DLG2: variants seen among roughly 807,000 people sequenced by gnomAD.
DLG2 encodes discs large MAGUK scaffold protein 2, also known as disks large homolog 2.
DLG2 carries 45 observed loss-of-function variants against 132.5 expected under a neutral mutation model. That is an observed-to-expected ratio of 0.34 (90% CI 0.27 to 0.44). DLG2 has a LOEUF of 0.44. DLG2 is among the 20% of genes least tolerant of loss of function. The pLI, the probability that DLG2 is intolerant of heterozygous loss-of-function variation, is 1.00. For synonymous variants in DLG2, 424 were observed against 419.6 expected (o/e 1.01, Z -0.13); for missense variants, 1,045 against 1,196.9 (o/e 0.87, Z 1.87).
chr11:84,362,283 G>A (rs911038421), intron 7 of DLG2, among the ~76,000 whole-genome samples: 1 of 151,904 alleles, frequency 6.6e-6, no homozygotes, highest in Non-Finnish European at 1.5e-5. Context: ...AAGAGTAAAT[G>A]CCTTCATAAA....
rs140165104 is a variant in DLG2 at position 83,611,785 on chromosome 11, C to T, written c.1940+21426G>A. On this transcript the variant is annotated intron_variant, in intron 19 of 27. Coordinates refer to ENST00000376104, the MANE Select transcript of DLG2 (RefSeq NM_001142699.3). ...AAGGGACTGATACTGAACTGAAGGA[C>T]GGGAACAGGGGACACTGAGGGCTTG... 1.2e-4 allele frequency among the ~76,000 whole-genome samples: 18 copies of T among 152,236 alleles called. No homozygotes were observed. The East Asian group carries it at 1.9e-3, about 16-fold the overall frequency.
intron 11 of DLG2, among the ~76,000 whole-genome samples, chr11:84,054,185 A>G (rs1274828455): frequency 2.0e-5 from 3 of 152,102 alleles, no homozygotes; most frequent in African/African-American, 7.2e-5. Context: ...GAAGTCATCT[A>G]ATTTCTCCTG....
intron 6 of DLG2, chr11:84,545,495 A>G: frequency 2.5e-6 from 1 of 404,210 alleles, no homozygotes; most frequent in Non-Finnish European, 4.8e-6. Context: ...ATCCAGAACT[A>G]CTTTGGCTTC....
chr11:83,899,465 C>T (rs2154097363), intron 15 of DLG2, among the ~76,000 whole-genome samples: 1 of 152,336 alleles, frequency 6.6e-6, no homozygotes, highest in South Asian at 2.1e-4. Context: ...CCAATTCTCA[C>T]CTTGTGGCTC....
At chr11:84,421,954 T>C (rs2098952369) in intron 7 of DLG2, among the ~76,000 whole-genome samples, 1 of 152,194 alleles carries the variant, frequency 6.6e-6, no homozygotes, top group Non-Finnish European at 1.5e-5. Context: ...CTCCTTTCTG[T>C]CTACTTCTCC....
intron 21 of DLG2, among the ~76,000 whole-genome samples, chr11:83,489,198 A>G (rs1447816875): frequency 6.6e-6 from 1 of 151,960 alleles, no homozygotes; most frequent in African/African-American, 2.4e-5. Context: ...AACTCCCTCA[A>G]ATGAATCAGA....
intron 18 of DLG2, among the ~76,000 whole-genome samples, chr11:83,773,586 A>T (rs772577427): frequency 6.6e-6 from 1 of 152,196 alleles, no homozygotes; most frequent in Admixed American, 6.5e-5. Flanking sequence ...AAGCAAAGAA[A>T]ATCTGCTCCC....
chr11:84,273,075 C>T, intron 7 of DLG2: 2 of 1,247,720 alleles, frequency 1.6e-6, no homozygotes, highest in African/African-American at 1.5e-5. Context: ...TTATACATTT[C>T]TCTATAGATA....
intron 3 of DLG2, among the ~76,000 whole-genome samples, chr11:85,323,975 G>T (rs1034415106): frequency 6.6e-6 from 1 of 152,206 alleles, no homozygotes; most frequent in African/African-American, 2.4e-5. Flanking sequence ...CATGTAAGTG[G>T]ATGGTAGTGG....
intron 6 of DLG2, among the ~76,000 whole-genome samples, chr11:84,732,454 C>A (rs2063273970): frequency 1.3e-5 from 2 of 151,948 alleles, no homozygotes; most frequent in Non-Finnish European, 2.9e-5. Context: ...TCACTGTAGC[C>A]ATTCTAATAG....
intron 3 of DLG2, among the ~76,000 whole-genome samples, chr11:85,507,439 G>T (rs1488799224): frequency 6.6e-6 from 1 of 152,152 alleles, no homozygotes; most frequent in Non-Finnish European, 1.5e-5. Flanking sequence ...TTGCTTGTCT[G>T]TAAAGGATTT....
intron 3 of DLG2, among the ~76,000 whole-genome samples, chr11:85,319,774 C>T (rs1039692137): frequency 6.6e-6 from 1 of 151,830 alleles, no homozygotes; most frequent in African/African-American, 2.4e-5. Flanking sequence ...TTTATGCTCT[C>T]TAATTCTTAA....
intron 6 of DLG2, among the ~76,000 whole-genome samples, chr11:84,896,402 C>T (rs1405358410): frequency 6.6e-6 from 1 of 152,006 alleles, no homozygotes; most frequent in African/African-American, 2.4e-5. Flanking sequence ...CAATATTTCC[C>T]ACGATGTTGT....
chr11:83,709,284 T>C (rs1328811550), intron 18 of DLG2, among the ~76,000 whole-genome samples: 2 of 148,698 alleles, frequency 1.3e-5, no homozygotes, highest in Non-Finnish European at 3.0e-5. Context: ...TATATACATA[T>C]ATGTACATAT....
chr11:83,528,686 C>A (rs1442630615), intron 21 of DLG2, among the ~76,000 whole-genome samples: 1 of 152,150 alleles, frequency 6.6e-6, no homozygotes, highest in Non-Finnish European at 1.5e-5. Flanking sequence ...GATGCTTGCA[C>A]CTACTAACTG....
chr11:85,176,152 C>T (rs1425276443), intron 4 of DLG2, among the ~76,000 whole-genome samples: 37 of 152,102 alleles, frequency 2.4e-4, no homozygotes. Context: ...GCCTGGATAA[C>T]CAACACAATC....
At chr11:85,585,493 A>T (rs945780068) in intron 3 of DLG2, among the ~76,000 whole-genome samples, 1 of 152,110 alleles carries the variant, frequency 6.6e-6, no homozygotes, top group Non-Finnish European at 1.5e-5. Context: ...TCTTGTTTCA[A>T]TTCTCAAGGG....
chr11:84,395,494 G>A (rs2154443758), intron 7 of DLG2, among the ~76,000 whole-genome samples: 1 of 152,096 alleles, frequency 6.6e-6, no homozygotes, highest in South Asian at 2.1e-4. Flanking sequence ...TCGGCTCACT[G>A]CAGTCTTGAC....
chr11:84,117,164 C>T (rs2093673610), intron 9 of DLG2, among the ~76,000 whole-genome samples: 1 of 152,164 alleles, frequency 6.6e-6, no homozygotes, highest in Non-Finnish European at 1.5e-5. Flanking sequence ...GCAACTGCTC[C>T]CACTTCTAAG....
Sources: gnomAD v4.1 joint callset for allele counts (sites outside exome capture counted in the v4.1 genomes callset) on GRCh38, gnomAD v4.1.1 for gene constraint, MANE v1.5 for transcripts, NCBI Gene and HGNC (gene_info 2026-07-23, HGNC 2026-07-21) for gene names.